TRIM49: variants seen among roughly 807,000 people sequenced by gnomAD.
The protein encoded by TRIM49 is tripartite motif-containing protein 49.
In TRIM49, 5 loss-of-function variants were observed where a neutral mutation model predicts 27.4. That is an observed-to-expected ratio of 0.18 (90% CI 0.10 to 0.38). The LOEUF is 0.38. TRIM49 is among the 10% of genes least tolerant of loss of function. The pLI is 1.00. For missense variants in TRIM49, 188 were observed against 487.5 expected (o/e 0.39, Z 5.79); for synonymous variants, 69 against 166.0 (o/e 0.42, Z 4.49).
chr11:89,797,330 G>A (rs2134631069), downstream of TRIM49, among the ~76,000 whole-genome samples: 1 of 151,804 alleles, frequency 6.6e-6, no homozygotes, highest in Middle Eastern at 3.4e-3. Flanking sequence ...TTTGCATAAT[G>A]TTTTTTGAAA....
the TRIM49 span, among the ~76,000 whole-genome samples, chr11:89,769,010 C>T: frequency 7.4e-6 from 1 of 135,842 alleles, no homozygotes. Context: ...AAATCCCCAT[C>T]CCTACTAAAA....
At chr11:89,777,372 G>A in the TRIM49 span, 1 of 1,533,292 alleles carries the variant, frequency 6.5e-7, no homozygotes, top group Admixed American at 2.0e-5. Context: ...AGGATGGGCT[G>A]CTGAGGAATG....
the TRIM49 span, among the ~76,000 whole-genome samples, chr11:89,785,194 C>T: frequency 4.2e-5 from 6 of 142,446 alleles, no homozygotes; most frequent in Admixed American, 6.8e-5. Flanking sequence ...ACTCTAGCCT[C>T]GGTGACAGAC....
chr11:89,785,974 AGGGTGGCGGGG>A, the TRIM49 span: 1 of 139,672 alleles, frequency 7.2e-6, no homozygotes, highest in Non-Finnish European at 1.5e-5. Flanking sequence ...ACTCGGCCGC[AGGGTGGCGGGG>A]CGCGCTGCAT....
downstream of TRIM49, among the ~76,000 whole-genome samples, chr11:89,796,492 T>TC (rs1949690263): frequency 7.3e-6 from 1 of 136,862 alleles, no homozygotes; most frequent in South Asian, 2.2e-4. Flanking sequence ...CACCTTGGTC[T>TC]CCCCAAGTGG....
downstream of TRIM49, among the ~76,000 whole-genome samples, chr11:89,793,237 A>T (rs1591510108): frequency 6.6e-6 from 1 of 152,124 alleles, no homozygotes; most frequent in African/African-American, 2.4e-5. Flanking sequence ...TAAGGCAATA[A>T]TTATGAGCCT....
the TRIM49 span, among the ~76,000 whole-genome samples, chr11:89,769,220 AT>A: frequency 1.5e-5 from 2 of 131,386 alleles, 1 homozygote; most frequent in African/African-American, 7.5e-5. Context: ...ACAAGTTGTT[AT>A]TCTGCGCATC....
chr11:89,783,774 C>T, the TRIM49 span, among the ~76,000 whole-genome samples: 350 of 146,148 alleles, frequency 2.4e-3, 21 homozygotes, highest in African/African-American at 8.9e-3. Flanking sequence ...CCTAGGGCAC[C>T]GGCTTACCTG....
chr11:89,767,688 T>C, the TRIM49 span, among the ~76,000 whole-genome samples: 1 of 129,182 alleles, frequency 7.7e-6, no homozygotes, highest in South Asian at 2.3e-4. Flanking sequence ...AATCACTTTC[T>C]TATTGTTCAC....
At chr11:89,794,338 A>G (rs11018785), downstream of TRIM49, among the ~76,000 whole-genome samples, 8,498 of 118,404 alleles carry the variant, frequency 0.072, 111 homozygotes, top group East Asian at 0.21. Flanking sequence ...ATTCAATGCC[A>G]TCCCCATCAA....
the TRIM49 span, among the ~76,000 whole-genome samples, chr11:89,774,155 C>T: frequency 2.7e-5 from 4 of 150,280 alleles, no homozygotes; most frequent in Admixed American, 6.6e-5. Flanking sequence ...TGCCTGCCAC[C>T]GAACTCGGCT....
At chr11:89,797,313 C>T (rs1168653796), downstream of TRIM49, among the ~76,000 whole-genome samples, 1 of 151,816 alleles carries the variant, frequency 6.6e-6, no homozygotes. Flanking sequence ...TCTTTCTCCA[C>T]TACTAGTTTG....
At chr11:89,800,447 T>G (rs1949725783) in intron 6 of TRIM49, among the ~76,000 whole-genome samples, 1 of 151,598 alleles carries the variant, frequency 6.6e-6, no homozygotes, top group African/African-American at 2.4e-5. Flanking sequence ...TTTCAAGCAA[T>G]AAAACAAAAT....
At position 89,798,247 on chromosome 11, in the gene TRIM49, A is replaced by G. The variant is rs1483285632; in HGVS notation, c.1242T>C (p.Asp414=). The change falls in exon 8 of 8, where the codon GAT becomes GAC. Residue 414 remains aspartate (D), a synonymous_variant. Transcript: ENST00000329758. ...CAAAGCTCACAGTCTTAGCCTCACA[A>G]TCCAGGAATAATCCTACTCGGCTGG... is the stretch of plus-strand genomic sequence containing the variant. ...KPTSRVGLFL[D]CEAKTVSFVD... is the part of the protein sequence containing the mutation. 5 of 1,571,866 alleles carry G rather than the reference A, an allele frequency of 3.2e-6. No individual in the cohort carries two copies. In the South Asian group the frequency reaches 3.4e-5, roughly 11 times the overall value.
chr11:89,770,587 C>T, the TRIM49 span, among the ~76,000 whole-genome samples: 2,475 of 142,182 alleles, frequency 0.017, 298 homozygotes, highest in African/African-American at 0.036. Context: ...GGGCCAGGCA[C>T]GGTGGCTCAC....
Position 89,798,382 on chromosome 11 carries a change from C to T in TRIM49, c.1107G>A (p.Glu369=), listed in dbSNP as rs777107531. 1 of 1,598,332 alleles carries T rather than the reference C, an allele frequency of 6.3e-7. No homozygotes were observed. Among genetic ancestry groups the T allele is most frequent in the Non-Finnish European group, 8.5e-7 (1 of 1,176,210 alleles). ...AGAGTCCCGCCTTTCCATCTATCTTCTCATTCTGATTCTTCTCTTTCCGAT... is the reference window on the plus strand; with the variant it reads ...AGAGTCCCGCCTTTCCATCTATCTTTTCATTCTGATTCTTCTCTTTCCGAT... The part of the protein sequence containing the change: ...NMYRKEKNQN[E]KIDGKAGLFL... Residue 369 remains glutamate, a synonymous_variant, in exon 8 of 8, where the codon GAG becomes GAA. Transcript: ENST00000329758.
downstream of TRIM49, among the ~76,000 whole-genome samples, chr11:89,794,526 G>A (rs535237697): frequency 1.3e-4 from 19 of 151,420 alleles, no homozygotes; most frequent in East Asian, 1.0e-3. Context: ...CATCGGACTC[G>A]TGCCGAAACA....
At chr11:89,773,908 G>T in the TRIM49 span, among the ~76,000 whole-genome samples, 10 of 136,210 alleles carry the variant, frequency 7.3e-5, no homozygotes, top group Non-Finnish European at 1.4e-4. Context: ...TGGCACTCCA[G>T]CCTGGGCGAC....
chr11:89,796,780 T>C (rs553456084), downstream of TRIM49, among the ~76,000 whole-genome samples: 155 of 152,052 alleles, frequency 1.0e-3, 3 homozygotes, highest in African/African-American at 3.6e-3. Flanking sequence ...TATAGGATTA[T>C]TTTGCATAAA....
Sources: gnomAD v4.1 joint callset for allele counts (sites outside exome capture counted in the v4.1 genomes callset) on GRCh38, gnomAD v4.1.1 for gene constraint, MANE v1.5 for transcripts, NCBI Gene and HGNC (gene_info 2026-07-23, HGNC 2026-07-21) for gene names.